The following MLXIP variants were observed in gnomAD, a reference collection of about 807,000 sequenced individuals.
The protein encoded by MLXIP is MLX-interacting protein.
A neutral mutation model predicts 87.2 loss-of-function variants in MLXIP; 30 were observed. That is an observed-to-expected ratio of 0.34 (90% CI 0.26 to 0.47). The LOEUF (loss-of-function observed/expected upper bound fraction) is 0.47. Among genes scored for constraint, MLXIP ranks in the 20% least tolerant of loss-of-function variants. MLXIP has a pLI of 1.00. For synonymous variants in MLXIP, 530 were observed against 514.0 expected, an observed-to-expected ratio of 1.03 and a Z score of -0.42; for missense variants, 1,002 against 1,240.1, an observed-to-expected ratio of 0.81 and a Z score of 2.88.
chr12:122,106,893 C>T (rs1376964102), intron 1 of MLXIP, among the ~76,000 whole-genome samples: 5 of 152,158 alleles, frequency 3.3e-5, no homozygotes, highest in Non-Finnish European at 7.4e-5. Flanking sequence ...TGAGCCACAG[C>T]ACCCGGCCTT....
At chr12:122,089,795 A>G (rs1952219558) in intron 1 of MLXIP, among the ~76,000 whole-genome samples, 1 of 152,228 alleles carries the variant, frequency 6.6e-6, no homozygotes, top group South Asian at 2.1e-4. Flanking sequence ...TTTTCTTGAC[A>G]TGTTTTTGAG....
At chr12:122,116,221 C>T (rs1248892509) in intron 1 of MLXIP, among the ~76,000 whole-genome samples, 9 of 152,064 alleles carry the variant, frequency 5.9e-5, no homozygotes, top group Non-Finnish European at 1.3e-4. Context: ...GTGAAGGGTA[C>T]GTGGAGCTCT....
intron 1 of MLXIP, among the ~76,000 whole-genome samples, chr12:122,116,723 A>G (rs1322544829): frequency 2.0e-5 from 3 of 152,220 alleles, no homozygotes; most frequent in Non-Finnish European, 2.9e-5. Flanking sequence ...AGCATGCCTC[A>G]CCATGCCCAG....
chr12:122,096,981 C>G (rs984092315), intron 1 of MLXIP, among the ~76,000 whole-genome samples: 11 of 152,238 alleles, frequency 7.2e-5, no homozygotes, highest in Non-Finnish European at 1.6e-4. Flanking sequence ...TGACTCAACG[C>G]TCTGAAAAAT....
At position 122,078,792 on chromosome 12, in the gene MLXIP, T is replaced by A; in HGVS notation, c.-62T>A. The A allele has an allele frequency of 2.0e-6, 2 of 1,023,532 alleles. No homozygotes were observed. The highest frequency in any genetic ancestry group is 1.2e-6 in the Non-Finnish European group (1 of 856,776). 63.4% of individuals were successfully genotyped at this position (1,023,532 alleles called of 1,614,324 possible). A position where few individuals can be genotyped will look rare whatever the true frequency, so the allele number is the denominator to read the frequency against. On this transcript the variant is annotated 5_prime_UTR_variant, in exon 1 of 17. Coordinates refer to ENST00000319080, the MANE Select transcript of MLXIP (RefSeq NM_014938.6). ...GGGCCGGGCCGGGCCGGCGCCCCTC[T>A]GCCTCGCGCGCTTGTCGCGTTGCCC... is the stretch of plus-strand genomic sequence containing the variant.
intron 1 of MLXIP, among the ~76,000 whole-genome samples, chr12:122,095,019 G>A (rs1952328727): frequency 7.0e-6 from 1 of 142,618 alleles, no homozygotes. Flanking sequence ...TGTGGTGTTG[G>A]TGTGTTGTGT....
Position 122,138,298 on chromosome 12 carries a change from G to A in MLXIP, c.2256+3G>A. The A allele has an allele frequency of 6.2e-7, 1 of 1,613,790 alleles. No homozygotes were observed. Among genetic ancestry groups the A allele is most frequent in the Non-Finnish European group, 8.5e-7 (1 of 1,179,806 alleles). On this transcript the variant is annotated splice_donor_region_variant and intron_variant, in intron 13 of 16. Transcript: ENST00000319080. ...TCATCTCCAACAATTCCAAGCTGGT[G>A]AGTTGCCAAGAGCGTGGGCTGTGGC...
intron 1 of MLXIP, among the ~76,000 whole-genome samples, chr12:122,099,558 C>T (rs1160717244): frequency 6.6e-6 from 1 of 152,254 alleles, no homozygotes; most frequent in African/African-American, 2.4e-5. Context: ...CTGATTTCCC[C>T]AATGACCTTT....
At chr12:122,116,677 C>T (rs1174616414) in intron 1 of MLXIP, among the ~76,000 whole-genome samples, 1 of 152,196 alleles carries the variant, frequency 6.6e-6, no homozygotes, top group African/African-American at 2.4e-5. Context: ...TGACAGGAAA[C>T]TTAAGAACAT....
intron 1 of MLXIP, among the ~76,000 whole-genome samples, chr12:122,089,255 G>A (rs949368351): frequency 6.6e-6 from 1 of 152,116 alleles, no homozygotes; most frequent in Admixed American, 6.6e-5. Context: ...TAACCAGCCC[G>A]TTCACAATGG....
intron 1 of MLXIP, among the ~76,000 whole-genome samples, chr12:122,123,513 C>T (rs980156882): frequency 6.6e-6 from 1 of 152,186 alleles, no homozygotes; most frequent in Non-Finnish European, 1.5e-5. Flanking sequence ...AACATTTCAG[C>T]TCACGGAGAG....
chr12:122,081,992 A>G (rs1297510601), intron 1 of MLXIP, among the ~76,000 whole-genome samples: 2 of 152,222 alleles, frequency 1.3e-5, no homozygotes, highest in African/African-American at 4.8e-5. Flanking sequence ...GATGAGGTTC[A>G]ACAGCTCTCT....
chr12:122,143,797 T>C lies in MLXIP; in HGVS notation c.*1985T>C, dbSNP rs989849550. The C allele has an allele frequency of 6.6e-6, 1 of 152,230 alleles. No homozygotes were observed. The highest frequency in any genetic ancestry group is 1.5e-5 in the Non-Finnish European group (1 of 68,034). The allele number at this position is 152,230 out of a possible 1,614,324, so 9.4% of individuals were successfully genotyped here. A position where few individuals can be genotyped will look rare whatever the true frequency, so the allele number is the denominator to read the frequency against. Reference sequence around the variant, plus strand: ...TTAAAAAAATCTGTGGGATATAAAATTGGCCTCCTGCTGCTTCAGCCTACC... The same window carrying C: ...TTAAAAAAATCTGTGGGATATAAAACTGGCCTCCTGCTGCTTCAGCCTACC... On this transcript the variant is annotated 3_prime_UTR_variant, in exon 17 of 17. Coordinates refer to ENST00000319080, the MANE Select transcript of MLXIP (RefSeq NM_014938.6).
Position 122,135,425 on chromosome 12 carries a change from G to A in MLXIP, c.1855-64G>A, listed in dbSNP as rs1953069821. On this transcript the variant is annotated intron_variant, in intron 10 of 16. Coordinates refer to ENST00000319080, the MANE Select transcript of MLXIP (RefSeq NM_014938.6). This position sits in a 1 kb window ranked among gnomAD's most constrained non-coding sequence, Gnocchi z 5.3. ...ATCTTGGGCGGCCCTCACCTGAGACGACTGGTGTGCCGCCCTGCTGTATAT... is the reference window on the plus strand; with the variant it reads ...ATCTTGGGCGGCCCTCACCTGAGACAACTGGTGTGCCGCCCTGCTGTATAT... 8.7e-6 allele frequency: 14 copies of A among 1,603,186 alleles called. No homozygotes were observed. Among genetic ancestry groups the A allele is most frequent in the South Asian group, 5.6e-5 (5 of 89,242 alleles).
rs890388898 is a variant in MLXIP at position 122,135,008 on chromosome 12, C to T, written c.1733-216C>T. ...TTTTTTTAAAGTTAGTCACAACCTA[C>T]AGTGTGAAAACATGGTCCTGGCCAT... On this transcript the variant is annotated intron_variant, in intron 9 of 16. Coordinates refer to ENST00000319080, the MANE Select transcript of MLXIP (RefSeq NM_014938.6). The surrounding 1 kb of genome is among the most constrained non-coding windows in gnomAD (Gnocchi z 5.3). The T allele has an allele frequency of 7.2e-6, 4 of 557,710 alleles. No individual in the cohort carries two copies. The highest frequency in any genetic ancestry group is 3.8e-5 in the African/African-American group (2 of 52,832). 34.5% of individuals were successfully genotyped at this position (557,710 alleles called of 1,614,324 possible). A position where few individuals can be genotyped will look rare whatever the true frequency, so the allele number is the denominator to read the frequency against.
chr12:122,097,390 G>T (rs1451041085), intron 1 of MLXIP, among the ~76,000 whole-genome samples: 2 of 152,138 alleles, frequency 1.3e-5, no homozygotes, highest in Admixed American at 6.5e-5. Flanking sequence ...GGAGGCTGAC[G>T]TGGGAGGATC....
chr12:122,110,693 C>T (rs762477748), intron 1 of MLXIP, among the ~76,000 whole-genome samples: 26 of 151,840 alleles, frequency 1.7e-4, no homozygotes, highest in Non-Finnish European at 3.5e-4. Flanking sequence ...ATCACATGAA[C>T]CCAGTAGTTC....
intron 9 of MLXIP, chr12:122,134,786 T>C (rs1300730373): frequency 5.2e-6 from 1 of 193,880 alleles, no homozygotes; most frequent in East Asian, 1.6e-4. Flanking sequence ...GTGATTCTCC[T>C]GCCTCATCCT....
intron 6 of MLXIP, 82 bp downstream of exon 6, chr12:122,130,194 A>G (rs1480464400): frequency 1.4e-6 from 2 of 1,407,680 alleles, no homozygotes; most frequent in Non-Finnish European, 1.9e-6. Flanking sequence ...GGGTTCCTTC[A>G]GGGCCATCTC....
Sources: gnomAD v4.1 joint callset for allele counts (sites outside exome capture counted in the v4.1 genomes callset) on GRCh38, gnomAD v4.1.1 for gene constraint, Gnocchi (gnomAD v3.1) non-coding constraint, MANE v1.5 for transcripts, NCBI Gene and HGNC (gene_info 2026-07-23, HGNC 2026-07-21) for gene names.